The following GABRA3 variants were observed in gnomAD, a reference collection of about 807,000 sequenced individuals.
The protein encoded by GABRA3 is gamma-aminobutyric acid receptor subunit alpha-3.
GABRA3 carries 10 observed loss-of-function variants against 30.1 expected under a neutral mutation model. That is an observed-to-expected ratio of 0.33 (90% CI 0.20 to 0.56). GABRA3 has a LOEUF of 0.56. Among genes scored for constraint, GABRA3 ranks in the 20% least tolerant of loss-of-function variants. The pLI is 0.89. For missense variants in GABRA3, 233 were observed against 392.0 expected (o/e 0.59, Z 3.42); for synonymous variants, 151 against 146.8 (o/e 1.03, Z -0.21).
chrX:152,419,049 C>G (rs1402411332), intron 1 of GABRA3, among the ~76,000 whole-genome samples: 1 of 110,792 alleles, frequency 9.0e-6, no homozygotes, highest in East Asian at 2.8e-4. Context: ...GGACAAAAAA[C>G]CAAACACCGC....
At position 152,197,900 on chromosome X, in the gene GABRA3, C is replaced by G. The variant is rs1937409500; in HGVS notation, c.779-115G>C. 3 of 556,465 alleles carry G rather than the reference C, an allele frequency of 5.4e-6. No individual in the cohort carries two copies. The South Asian group carries it at 1.2e-4, about 23-fold the overall frequency. The allele number at this position is 556,465 out of a possible 1,213,427, so 45.9% of individuals were successfully genotyped here. On this transcript the variant is annotated intron_variant, in intron 7 of 9. Coordinates refer to ENST00000370314, the MANE Select transcript of GABRA3 (RefSeq NM_000808.4). Reference sequence around the variant, plus strand: ...TCTTATATTCAATATTCCAGCATCTCCCAAGTTCATATAACTAGAGCCCTT... The same window carrying G: ...TCTTATATTCAATATTCCAGCATCTGCCAAGTTCATATAACTAGAGCCCTT...
intron 4 of GABRA3, among the ~76,000 whole-genome samples, chrX:152,264,319 A>T (rs1264357200): frequency 8.9e-6 from 1 of 111,852 alleles, no homozygotes; most frequent in African/African-American, 3.2e-5. Context: ...AATAGAAACA[A>T]CAAAAAGTTA....
Position 152,364,475 on chromosome X carries a change from T to C in GABRA3, c.96A>G (p.Ser32=). 3 of 1,209,370 alleles carry C rather than the reference T, an allele frequency of 2.5e-6. No homozygotes were observed. The highest frequency in any genetic ancestry group is 3.4e-6 in the Non-Finnish European group (3 of 894,093). ...CAAAGTCCCCGGGTTCTTGTCGTCT[T>C]GATTCCCCTTGACCAGTGGTTCCAG... ...ILPGTTGQGE[S]RRQEPGDFVK... is the part of the protein sequence containing the mutation. The change falls in exon 2 of 10, where the codon TCA becomes TCG. Residue 32 remains serine (S), a synonymous_variant. Transcript: ENST00000370314.
At chrX:152,395,842 A>C (rs761625554) in intron 1 of GABRA3, among the ~76,000 whole-genome samples, 2 of 112,367 alleles carry the variant, frequency 1.8e-5, no homozygotes, top group Non-Finnish European at 3.8e-5. Flanking sequence ...GGTCAATCAC[A>C]GATCAATCTC....
intron 4 of GABRA3, among the ~76,000 whole-genome samples, chrX:152,278,379 A>G (rs972238476): frequency 5.5e-4 from 60 of 108,622 alleles, no homozygotes; most frequent in Non-Finnish European, 9.9e-4. Context: ...TTGTCCTTGC[A>G]ATAGTTTGCT....
chrX:152,223,649 C>CATAT (rs766522590), intron 6 of GABRA3, among the ~76,000 whole-genome samples: 1 of 105,245 alleles, frequency 9.5e-6, no homozygotes, highest in African/African-American at 3.4e-5. Context: ...GCTCTATTTC[C>CATAT]ATATATATAT....
chrX:152,385,592 T>C (rs749865632), intron 1 of GABRA3, among the ~76,000 whole-genome samples: 1 of 112,077 alleles, frequency 8.9e-6, no homozygotes, highest in Non-Finnish European at 1.9e-5. Flanking sequence ...AGCTCTTTAG[T>C]GTAATTAGAT....
At chrX:152,386,659 G>C (rs1386241079) in intron 1 of GABRA3, among the ~76,000 whole-genome samples, 3 of 107,428 alleles carry the variant, frequency 2.8e-5, no homozygotes, top group Non-Finnish European at 5.8e-5. Flanking sequence ...AGGTGCTGGA[G>C]AGGATGTGGA....
chrX:152,364,624 A>T, intron 1 of GABRA3, 28 bp from the exon 2 acceptor site: 2 of 1,084,539 alleles, frequency 1.8e-6, no homozygotes, highest in Non-Finnish European at 2.5e-6. Flanking sequence ...TAGATAAGGG[A>T]TAAGAGGTAG....
chrX:152,214,172 C>A (rs1184414334), intron 6 of GABRA3, among the ~76,000 whole-genome samples: 1 of 111,250 alleles, frequency 9.0e-6, no homozygotes, highest in Non-Finnish European at 1.9e-5. Flanking sequence ...TGAGAATATG[C>A]GGTATTCGAG....
intron 1 of GABRA3, among the ~76,000 whole-genome samples, chrX:152,408,335 C>A (rs1929984903): frequency 9.1e-6 from 1 of 109,703 alleles, no homozygotes; most frequent in Non-Finnish European, 1.9e-5. Context: ...AAGATTCTAC[C>A]AAAAAAAACC....
At chrX:152,252,893 T>C (rs1482338712) in intron 5 of GABRA3, among the ~76,000 whole-genome samples, 1 of 111,650 alleles carries the variant, frequency 9.0e-6, no homozygotes, top group African/African-American at 3.3e-5. Flanking sequence ...GTATTGGCTC[T>C]TGAGGGGCTT....
chrX:152,237,830 G>T (rs1344692183), intron 5 of GABRA3, among the ~76,000 whole-genome samples: 19 of 108,496 alleles, frequency 1.8e-4, no homozygotes, highest in African/African-American at 6.1e-4. Flanking sequence ...TGTGATTTTT[G>T]TACATTGATT....
rs765161657 is a variant in GABRA3, at chrX:152,372,699, T to G, written c.-26-8103A>C. Reference sequence around the variant, plus strand: ...CTTCTCAGAGGTATAATCTCAAGACTATGCTACTTTCCTAAAACCTTTCCC... The same window carrying G: ...CTTCTCAGAGGTATAATCTCAAGACGATGCTACTTTCCTAAAACCTTTCCC... On this transcript the variant is annotated intron_variant, in intron 1 of 9. Transcript: ENST00000370314. 1.2e-4 allele frequency among the ~76,000 whole-genome samples: 13 copies of G among 112,193 alleles called. No individual in the cohort carries two copies. The South Asian group carries it at 4.8e-3, about 42-fold the overall frequency.
intron 7 of GABRA3, among the ~76,000 whole-genome samples, chrX:152,201,275 TC>T (rs1183939172): frequency 8.9e-6 from 1 of 112,022 alleles, no homozygotes; most frequent in Non-Finnish European, 1.9e-5. Context: ...ATTCCCTCCA[TC>T]CCACCTCCAC....
chrX:152,357,716 T>G (rs1256017747), intron 2 of GABRA3, among the ~76,000 whole-genome samples: 1 of 112,098 alleles, frequency 8.9e-6, no homozygotes, highest in Admixed American at 9.5e-5. Flanking sequence ...TCTAGAATGA[T>G]ATTTTCTAGA....
At chrX:152,171,288 C>A (rs1227987752) in intron 9 of GABRA3, 1 of 193,291 alleles carries the variant, frequency 5.2e-6, no homozygotes, top group African/African-American at 3.1e-5. Flanking sequence ...TCCATAGGCA[C>A]TTTATGTTCT....
rs556208000 is a variant in GABRA3 at position 152,446,542 on chromosome X, C to A, written c.-27+4604G>T. Among the ~76,000 whole-genome samples, 90 of 108,436 alleles carry A rather than the reference C, an allele frequency of 8.3e-4. 1 individual carries two copies. Among genetic ancestry groups the A allele is most frequent in the East Asian group, 2.6e-3 (9 of 3,428 alleles). The allele number at this position is 108,436 out of a possible 115,157, so 94.2% of individuals were successfully genotyped here. A position where few individuals can be genotyped will look rare whatever the true frequency, so the allele number is the denominator to read the frequency against. The stretch of plus-strand genomic sequence containing the variant: ...TAGCCTTCACATAAGGTTCATTGTT[C>A]TCTCCCATATCCTAAAAAAAAAAAA... On this transcript the variant is annotated intron_variant, in intron 1 of 9. Transcript: ENST00000370314.
chrX:152,183,036 G>A (rs113737625), intron 9 of GABRA3, among the ~76,000 whole-genome samples: 204 of 107,370 alleles, frequency 1.9e-3, no homozygotes, highest in African/African-American at 6.3e-3. Flanking sequence ...TTCTTGTAGT[G>A]TATTTGCCTG....
Sources: gnomAD v4.1 joint callset for allele counts (sites outside exome capture counted in the v4.1 genomes callset) on GRCh38, gnomAD v4.1.1 for gene constraint, MANE v1.5 for transcripts, NCBI Gene and HGNC (gene_info 2026-07-23, HGNC 2026-07-21) for gene names.